ECT2L: variants seen among roughly 807,000 people sequenced by gnomAD.
ECT2L encodes epithelial cell transforming 2 like.
In ECT2L, 126 loss-of-function variants were observed where a neutral mutation model predicts 122.8. The ratio of observed to expected loss-of-function variants is 1.03; its 90% confidence interval spans 0.89 to 1.19. ECT2L has a LOEUF of 1.19. ECT2L is among the 50% of genes most tolerant of loss of function. The pLI, the probability that ECT2L is intolerant of heterozygous loss-of-function variation, is 0.00. For missense variants in ECT2L, 1,012 were observed against 1,064.1 expected, an observed-to-expected ratio of 0.95 and a Z score of 0.68; for synonymous variants, 385 against 381.8, an observed-to-expected ratio of 1.01 and a Z score of -0.10.
chr6:138,848,345 T>C (rs919159696), intron 8 of ECT2L, among the ~76,000 whole-genome samples: 3 of 152,078 alleles, frequency 2.0e-5, no homozygotes, highest in Admixed American at 6.5e-5. Flanking sequence ...GTAACCACCA[T>C]CTCAAAAAAG....
intron 4 of ECT2L, among the ~76,000 whole-genome samples, chr6:138,816,691 T>C (rs921464767): frequency 6.6e-6 from 1 of 152,196 alleles, no homozygotes; most frequent in African/African-American, 2.4e-5. Context: ...TTCACCGTGT[T>C]AGCCAGGATG....
intron 16 of ECT2L, 44 bp downstream of exon 16, chr6:138,882,915 A>G: frequency 2.5e-6 from 4 of 1,599,688 alleles, no homozygotes; most frequent in Non-Finnish European, 3.4e-6. Flanking sequence ...CCTGAGCTAG[A>G]AAGGAAGTTA....
chr6:138,844,338 T>C, intron 6 of ECT2L, 74 bp from the exon 7 acceptor site: 3 of 1,510,730 alleles, frequency 2.0e-6, no homozygotes, highest in Non-Finnish European at 2.7e-6. Context: ...TTATTTTTGA[T>C]GCCTTTATCT....
rs375332969 is a variant in ECT2L, at chr6:138,854,117, G to A, written c.1161G>A (p.Gly387=). The change falls in exon 10 of 22, where the codon GGG becomes GGA. Residue 387 remains glycine (G), a synonymous_variant. Coordinates refer to ENST00000541398, the MANE Select transcript of ECT2L (RefSeq NM_001077706.3). ...GCTATGTGGCCACTGAAGAAGAAGG[G>A]GGTCACGTGGACTTCTTCGTGCCCC... ...LGSYVATEEE[G]GHVDFFVPLG... 1 of 1,613,982 alleles carries A rather than the reference G, an allele frequency of 6.2e-7. No homozygotes were observed. The highest frequency in any genetic ancestry group is 8.5e-7 in the Non-Finnish European group (1 of 1,180,012).
At chr6:138,880,612 A>G (rs1037746338) in intron 14 of ECT2L, among the ~76,000 whole-genome samples, 1 of 152,232 alleles carries the variant, frequency 6.6e-6, no homozygotes, top group African/African-American at 2.4e-5. Context: ...ACCTCCATGA[A>G]GACAGGACTC....
intron 13 of ECT2L, among the ~76,000 whole-genome samples, chr6:138,874,436 A>T (rs534271547): frequency 6.6e-6 from 1 of 152,332 alleles, no homozygotes; most frequent in East Asian, 1.9e-4. Flanking sequence ...AAATGAGTGA[A>T]CTTGCCAATT....
intron 5 of ECT2L, among the ~76,000 whole-genome samples, chr6:138,842,010 T>C (rs764320341): frequency 3.9e-5 from 6 of 152,096 alleles, no homozygotes; most frequent in Non-Finnish European, 5.9e-5. Flanking sequence ...CGTAACCAAA[T>C]GCTATTGGAA....
intron 20 of ECT2L, among the ~76,000 whole-genome samples, chr6:138,899,977 A>G (rs1779344481): frequency 6.6e-6 from 1 of 152,210 alleles, no homozygotes; most frequent in Non-Finnish European, 1.5e-5. Flanking sequence ...ACAGAAAAGC[A>G]AAGAGGATAA....
Position 138,796,671 on chromosome 6 carries a change from A to C in ECT2L, c.-244+479A>C, listed in dbSNP as rs374525389. Among the ~76,000 whole-genome samples the C allele has an allele frequency of 1.4e-4, 21 of 152,346 alleles. 1 individual carries two copies. The highest frequency in any genetic ancestry group is 3.3e-4 in the Admixed American group (5 of 15,306). ...GTGAATATAGGTCTTGGTTATAAGG[A>C]TAGCTCTAAGAGTTAATATGCTAAG... On this transcript the variant is annotated intron_variant, in intron 1 of 21. Coordinates refer to ENST00000541398, the MANE Select transcript of ECT2L (RefSeq NM_001077706.3).
intron 13 of ECT2L, among the ~76,000 whole-genome samples, chr6:138,871,543 C>T (rs1348674052): frequency 2.0e-5 from 3 of 152,160 alleles, no homozygotes; most frequent in African/African-American, 7.2e-5. Flanking sequence ...CAGTGGCTCA[C>T]GTCTGTAATC....
At chr6:138,885,474 A>C in intron 16 of ECT2L, 32 bp from the exon 17 acceptor site, 2 of 1,608,122 alleles carry the variant, frequency 1.2e-6, no homozygotes, top group Non-Finnish European at 8.5e-7. Context: ...ACTATCTCAT[A>C]AAGTTTTGAC....
intron 7 of ECT2L, among the ~76,000 whole-genome samples, chr6:138,845,944 A>C (rs530138546): frequency 1.3e-5 from 2 of 152,022 alleles, no homozygotes; most frequent in South Asian, 4.2e-4. Flanking sequence ...GATGGTACAC[A>C]CCTGTGGTCC....
intron 11 of ECT2L, among the ~76,000 whole-genome samples, chr6:138,864,254 G>A (rs1321367541): frequency 6.6e-6 from 1 of 152,036 alleles, no homozygotes; most frequent in Non-Finnish European, 1.5e-5. Context: ...CCCGGGAGGC[G>A]AAGGTTGCAG....
chr6:138,821,201 T>C (rs1776257803), intron 4 of ECT2L, among the ~76,000 whole-genome samples: 2 of 152,258 alleles, frequency 1.3e-5, no homozygotes, highest in African/African-American at 4.8e-5. Context: ...TTTTTCATTT[T>C]GCACTTGTGA....
chr6:138,839,456 C>T (rs2128387579), intron 5 of ECT2L, among the ~76,000 whole-genome samples: 1 of 151,992 alleles, frequency 6.6e-6, no homozygotes, highest in South Asian at 2.1e-4. Flanking sequence ...CTCTGTCTCC[C>T]AGGCTCAAGA....
intron 12 of ECT2L, among the ~76,000 whole-genome samples, chr6:138,867,703 C>T (rs2128401100): frequency 1.3e-5 from 2 of 150,664 alleles, no homozygotes; most frequent in Admixed American, 1.3e-4. Flanking sequence ...GTGGCAGGCA[C>T]CTGTAATCCT....
chr6:138,875,815 A>G (rs1215278274), intron 13 of ECT2L, among the ~76,000 whole-genome samples: 1 of 152,220 alleles, frequency 6.6e-6, no homozygotes, highest in Non-Finnish European at 1.5e-5. Flanking sequence ...AACAGAGCAG[A>G]GCTGAGGCAA....
At chr6:138,828,736 G>C (rs1776545432) in intron 4 of ECT2L, among the ~76,000 whole-genome samples, 2 of 152,146 alleles carry the variant, frequency 1.3e-5, no homozygotes, top group East Asian at 3.9e-4. Context: ...AAAGACACAT[G>C]TTGATTTTAT....
intron 8 of ECT2L, among the ~76,000 whole-genome samples, chr6:138,847,462 C>T (rs1159857672): frequency 7.3e-6 from 1 of 136,308 alleles, no homozygotes; most frequent in East Asian, 2.3e-4. Flanking sequence ...GCTCTGCCTC[C>T]CGGGTTCACA....
Sources: gnomAD v4.1 joint callset for allele counts (sites outside exome capture counted in the v4.1 genomes callset) on GRCh38, gnomAD v4.1.1 for gene constraint, MANE v1.5 for transcripts, NCBI Gene and HGNC (gene_info 2026-07-23, HGNC 2026-07-21) for gene names.